The following SRPK1 variants were observed in gnomAD, a reference collection of about 807,000 sequenced individuals.
SRPK1 encodes the protein SFRS protein kinase 1.
Under a neutral mutation model 89.5 loss-of-function variants are expected in SRPK1, and 52 were observed. That is an observed-to-expected ratio of 0.58 (90% CI 0.46 to 0.73). The LOEUF (loss-of-function observed/expected upper bound fraction) is 0.73. SRPK1 is among the 30% of genes least tolerant of loss of function. The pLI, the probability that SRPK1 is intolerant of heterozygous loss-of-function variation, is 0.00. For synonymous variants in SRPK1, 255 were observed against 270.2 expected (o/e 0.94, Z 0.55); for missense variants, 603 against 780.6 (o/e 0.77, Z 2.71).
intron 13 of SRPK1, among the ~76,000 whole-genome samples, chr6:35,849,486 G>T (rs1476509923): frequency 6.6e-6 from 1 of 152,090 alleles, no homozygotes; most frequent in Non-Finnish European, 1.5e-5. Flanking sequence ...CCCACTTCTG[G>T]ATATTTACCT....
chr6:35,881,426 CATATAGAT>C, intron 6 of SRPK1, among the ~76,000 whole-genome samples: 1 of 147,206 alleles, frequency 6.8e-6, no homozygotes, highest in South Asian at 2.2e-4. Flanking sequence ...GTAGAATACA[CATATAGAT>C]ATAGATATAG....
chr6:35,895,130 A>G (rs1408393407), intron 2 of SRPK1, among the ~76,000 whole-genome samples: 4 of 152,230 alleles, frequency 2.6e-5, no homozygotes, highest in Non-Finnish European at 4.4e-5. Flanking sequence ...GGAGAAAAAC[A>G]TAATTACGAA....
intron 2 of SRPK1, among the ~76,000 whole-genome samples, chr6:35,901,165 T>C (rs1028681517): frequency 1.3e-5 from 2 of 152,200 alleles, no homozygotes; most frequent in Admixed American, 6.5e-5. Context: ...AGGCCTGTGT[T>C]AGAGGCTGAA....
At chr6:35,870,194 T>G in intron 10 of SRPK1, 87 bp downstream of exon 10, 1 of 1,146,450 alleles carries the variant, frequency 8.7e-7, no homozygotes, top group Non-Finnish European at 1.2e-6. Context: ...AGATGTGTTG[T>G]ATGTATGAAA....
intron 12 of SRPK1, among the ~76,000 whole-genome samples, chr6:35,858,074 T>G (rs1285948781): frequency 6.6e-6 from 1 of 152,240 alleles, no homozygotes; most frequent in Non-Finnish European, 1.5e-5. Flanking sequence ...CATACTAAGC[T>G]TCTTTTTGTC....
At chr6:35,881,018 G>A (rs2127253284) in intron 6 of SRPK1, among the ~76,000 whole-genome samples, 2 of 152,018 alleles carry the variant, frequency 1.3e-5, no homozygotes, top group East Asian at 1.9e-4. Flanking sequence ...AAAATTTTTG[G>A]AGGCCAGAAA....
intron 6 of SRPK1, among the ~76,000 whole-genome samples, chr6:35,878,457 A>C (rs1770204890): frequency 6.6e-6 from 1 of 152,196 alleles, no homozygotes; most frequent in Admixed American, 6.5e-5. Context: ...GTGATTCTTA[A>C]GAAACTCTGG....
intron 6 of SRPK1, among the ~76,000 whole-genome samples, chr6:35,885,296 C>CAGAGAGAG (rs879265572): frequency 6.5e-5 from 8 of 123,834 alleles, no homozygotes; most frequent in Admixed American, 9.6e-5. Context: ...CACACACACA[C>CAGAGAGAG]ACAGAGAGAG....
chr6:35,842,718 A>G, intron 13 of SRPK1, 114 bp from the exon 14 acceptor site: 1 of 528,474 alleles, frequency 1.9e-6, no homozygotes, highest in East Asian at 3.3e-5. Flanking sequence ...GAAAACTTAT[A>G]GATCATTTAA....
chr6:35,844,636 C>T (rs1419199709), intron 13 of SRPK1, among the ~76,000 whole-genome samples: 1 of 152,170 alleles, frequency 6.6e-6, no homozygotes, highest in African/African-American at 2.4e-5. Context: ...TGGCTTCTTG[C>T]TTGGCATTGC....
rs753320422 is a variant in SRPK1 at position 35,833,014 on chromosome 6, C to T, written c.*2290G>A. 3 of 152,520 alleles carry T rather than the reference C, an allele frequency of 2.0e-5. No individual in the cohort carries two copies. Among genetic ancestry groups the T allele is most frequent in the Non-Finnish European group, 2.9e-5 (2 of 68,024 alleles). The allele number at this position is 152,520 out of a possible 1,614,324, so 9.4% of individuals were successfully genotyped here. On this transcript the variant is annotated 3_prime_UTR_variant, in exon 16 of 16. Transcript: ENST00000373825. ...CAGAGCAATTTGGACAACAAATGAA[C>T]AGAGATTTTTGGAAACATGTAGGTT... is the stretch of plus-strand genomic sequence containing the variant.
intron 2 of SRPK1, 158 bp downstream of exon 2, chr6:35,920,310 C>G (rs1326013115): frequency 1.3e-6 from 1 of 769,614 alleles, no homozygotes. Context: ...AGCTCTCTTC[C>G]ACATGGTTGC....
At chr6:35,901,910 T>G (rs1195792683) in intron 2 of SRPK1, among the ~76,000 whole-genome samples, 1 of 152,166 alleles carries the variant, frequency 6.6e-6, no homozygotes, top group African/African-American at 2.4e-5. Context: ...AAGCTGGAAC[T>G]AGGGTCTAAC....
chr6:35,869,252 G>T, intron 11 of SRPK1, 142 bp from the exon 12 acceptor site: 1 of 874,110 alleles, frequency 1.1e-6, no homozygotes. Context: ...AAAGAGCACA[G>T]CAACGCCTTG....
chr6:35,836,959 G>A (rs1769193828), intron 15 of SRPK1, among the ~76,000 whole-genome samples: 1 of 152,066 alleles, frequency 6.6e-6, no homozygotes, highest in African/African-American at 2.4e-5. Flanking sequence ...TAATGTTTCT[G>A]AGGATGGCTC....
chr6:35,861,655 A>T (rs2127238426), intron 12 of SRPK1, among the ~76,000 whole-genome samples: 1 of 152,358 alleles, frequency 6.6e-6, no homozygotes, highest in East Asian at 1.9e-4. Context: ...TCCCAGGCAT[A>T]AAGTGCTATT....
At chr6:35,873,049 T>A (rs986779092) in intron 7 of SRPK1, among the ~76,000 whole-genome samples, 1 of 152,180 alleles carries the variant, frequency 6.6e-6, no homozygotes, top group Non-Finnish European at 1.5e-5. Context: ...GTAATGTAGG[T>A]GCTGACAGAC....
intron 12 of SRPK1, among the ~76,000 whole-genome samples, chr6:35,861,837 T>A (rs1769789128): frequency 6.6e-6 from 1 of 152,168 alleles, no homozygotes; most frequent in African/African-American, 2.4e-5. Flanking sequence ...TTCTTGCCCA[T>A]GCTGTTCATT....
intron 15 of SRPK1, among the ~76,000 whole-genome samples, chr6:35,836,420 G>C (rs1321059913): frequency 6.6e-6 from 1 of 152,062 alleles, no homozygotes; most frequent in Non-Finnish European, 1.5e-5. Flanking sequence ...CTTTTTAAAA[G>C]ATAGTCAATT....
Sources: gnomAD v4.1 joint callset for allele counts (sites outside exome capture counted in the v4.1 genomes callset) on GRCh38, gnomAD v4.1.1 for gene constraint, MANE v1.5 for transcripts, NCBI Gene and HGNC (gene_info 2026-07-23, HGNC 2026-07-21) for gene names.